SLC9D1: variants seen among roughly 807,000 people sequenced by gnomAD.
The protein encoded by SLC9D1 is putative LAG1-interacting protein.
At chr13:113,538,909 C>T in the SLC9D1 span, among the ~76,000 whole-genome samples, 189 of 152,296 alleles carry the variant, frequency 1.2e-3, no homozygotes, top group African/African-American at 4.1e-3. Flanking sequence ...GTGGACACGC[C>T]GATGCTTCTC....
the SLC9D1 span, among the ~76,000 whole-genome samples, chr13:113,502,599 T>C: frequency 2.6e-5 from 4 of 152,196 alleles, no homozygotes; most frequent in African/African-American, 9.7e-5. Context: ...GGCTGTTTGC[T>C]GGGCCCCGTC....
chr13:113,501,030 G>A, the SLC9D1 span, among the ~76,000 whole-genome samples: 28,150 of 152,102 alleles, frequency 0.19, 3,445 homozygotes, highest in African/African-American at 0.35. Flanking sequence ...GACCTTCAGG[G>A]CTGCAGGTGC....
At chr13:113,520,123 G>T in the SLC9D1 span, among the ~76,000 whole-genome samples, 6 of 152,162 alleles carry the variant, frequency 3.9e-5, no homozygotes, top group Non-Finnish European at 7.3e-5. Flanking sequence ...CTGATGATTT[G>T]CTCTACAACA....
chr13:113,544,600 G>C, the SLC9D1 span, among the ~76,000 whole-genome samples: 3 of 152,210 alleles, frequency 2.0e-5, no homozygotes, highest in Non-Finnish European at 2.9e-5. Context: ...CCTCCAGACC[G>C]GGCACTCAAA....
At chr13:113,526,035 A>C in the SLC9D1 span, among the ~76,000 whole-genome samples, 486 of 66,210 alleles carry the variant, frequency 7.3e-3, 12 homozygotes, top group Middle Eastern at 0.04. Flanking sequence ...GACGACAGCT[A>C]TGTGCCGGTT....
the SLC9D1 span, among the ~76,000 whole-genome samples, chr13:113,510,042 T>C: frequency 6.6e-6 from 1 of 152,136 alleles, no homozygotes; most frequent in African/African-American, 2.4e-5. Context: ...ATTGTGTGTG[T>C]GCAGCCCTGT....
At chr13:113,540,987 T>C in the SLC9D1 span, among the ~76,000 whole-genome samples, 1 of 152,204 alleles carries the variant, frequency 6.6e-6, no homozygotes, top group African/African-American at 2.4e-5. Context: ...TCCCTGGTGC[T>C]TGTTATCGTA....
the SLC9D1 span, chr13:113,534,473 T>C: frequency 1.9e-6 from 1 of 528,514 alleles, no homozygotes; most frequent in South Asian, 2.9e-5. Context: ...GCTAAAATAG[T>C]GTTTGTGAGT....
At chr13:113,541,681 G>A in the SLC9D1 span, among the ~76,000 whole-genome samples, 5 of 107,166 alleles carry the variant, frequency 4.7e-5, no homozygotes, top group South Asian at 4.2e-4. Flanking sequence ...TGGATGATAC[G>A]CACACGATCG....
the SLC9D1 span, among the ~76,000 whole-genome samples, chr13:113,508,102 G>T: frequency 6.6e-6 from 1 of 152,256 alleles, no homozygotes; most frequent in African/African-American, 2.4e-5. Flanking sequence ...TCCCACTGTG[G>T]TGTCTGGACA....
chr13:113,511,560 C>T, the SLC9D1 span, among the ~76,000 whole-genome samples: 19 of 152,322 alleles, frequency 1.2e-4, no homozygotes, highest in Non-Finnish European at 2.6e-4. Context: ...CAGTAGGACA[C>T]GGATGCAGCC....
chr13:113,496,765 TATG>T, the SLC9D1 span, among the ~76,000 whole-genome samples: 1 of 152,100 alleles, frequency 6.6e-6, no homozygotes, highest in East Asian at 1.9e-4. Flanking sequence ...GGGAGAGAAA[TATG>T]ATTATCAGGC....
chr13:113,508,389 G>T, the SLC9D1 span, among the ~76,000 whole-genome samples: 23 of 152,238 alleles, frequency 1.5e-4, no homozygotes, highest in African/African-American at 5.3e-4. Context: ...GCCTCCTCAG[G>T]CTGCAGCCAG....
the SLC9D1 span, among the ~76,000 whole-genome samples, chr13:113,525,652 C>T: frequency 6.7e-6 from 1 of 149,654 alleles, no homozygotes; most frequent in Non-Finnish European, 1.5e-5. Flanking sequence ...TAGAACAAGC[C>T]ATCGTCATCA....
the SLC9D1 span, among the ~76,000 whole-genome samples, chr13:113,522,088 C>T: frequency 2.6e-5 from 4 of 152,266 alleles, no homozygotes; most frequent in Non-Finnish European, 5.9e-5. Flanking sequence ...ATTGCACTGG[C>T]TGGAATGTCC....
the SLC9D1 span, among the ~76,000 whole-genome samples, chr13:113,540,373 G>A: frequency 6.8e-4 from 103 of 152,312 alleles, no homozygotes; most frequent in African/African-American, 2.4e-3. Context: ...AAGTGTTGCC[G>A]TTTCTCCACA....
At chr13:113,500,317 CT>C in the SLC9D1 span, among the ~76,000 whole-genome samples, 2 of 152,128 alleles carry the variant, frequency 1.3e-5, no homozygotes, top group African/African-American at 4.8e-5. Context: ...AATTTCTAAT[CT>C]TTTTTTCTAA....
At chr13:113,510,361 T>C in the SLC9D1 span, 1 of 1,614,096 alleles carries the variant, frequency 6.2e-7, no homozygotes, top group Non-Finnish European at 8.5e-7. Flanking sequence ...CACGTGTCTG[T>C]CCTTGTCAAG....
chr13:113,506,051 G>A, the SLC9D1 span: 1 of 163,046 alleles, frequency 6.1e-6, no homozygotes, highest in Non-Finnish European at 1.3e-5. Flanking sequence ...TGATTAAAGA[G>A]AATTCACCAC....
Sources: gnomAD v4.1 joint callset for allele counts (sites outside exome capture counted in the v4.1 genomes callset) on GRCh38, gnomAD v4.1.1 for gene constraint, MANE v1.5 for transcripts, NCBI Gene and HGNC (gene_info 2026-07-23, HGNC 2026-07-21) for gene names.